The following FBXL17 variants were observed in gnomAD, a reference collection of about 807,000 sequenced individuals.
The protein encoded by FBXL17 is F-box/LRR-repeat protein 17.
FBXL17 carries 22 observed loss-of-function variants against 66.2 expected under a neutral mutation model. That is an observed-to-expected ratio of 0.33 (90% CI 0.24 to 0.47). The LOEUF (loss-of-function observed/expected upper bound fraction) is 0.47. Among genes scored for constraint, FBXL17 ranks in the 20% least tolerant of loss-of-function variants. The pLI is 1.00. For missense variants in FBXL17, 878 were observed against 948.2 expected (o/e 0.93, Z 0.97); for synonymous variants, 474 against 400.5 (o/e 1.18, Z -2.19).
rs141977784 is a variant in FBXL17 at position 107,999,190 on chromosome 5, A to G, written c.1822+21735T>C. Among the ~76,000 whole-genome samples the G allele has an allele frequency of 7.3e-4, 111 of 152,314 alleles. 3 individuals carry two copies. The East Asian group carries it at 0.021, about 28-fold the overall frequency. ...ATTGCACCCCAGGTTAGTTTGCGAC[A>G]GAGTGAGTAGGATGAAAATAAGAAT... On this transcript the variant is annotated intron_variant, in intron 7 of 8. Transcript: ENST00000542267.
chr5:108,381,401 A>G lies in FBXL17; in HGVS notation c.291T>C (p.Ser97=), dbSNP rs1414698768. Residue 97 remains serine (S), a synonymous_variant, in exon 1 of 9, where the codon TCT becomes TCC. Coordinates refer to ENST00000542267, the MANE Select transcript of FBXL17 (RefSeq NM_001163315.3). ...RDGAYAAASS[S]QHLARRYAAL... is the part of the protein sequence containing the mutation. ...CCGCGTAGCGCCGCGCCAGGTGCTG[A>G]GAGGAGGAGGCGGCAGCGTAGGCCC... 9 of 1,325,998 alleles carry G rather than the reference A, an allele frequency of 6.8e-6. No individual in the cohort carries two copies. Among genetic ancestry groups the G allele is most frequent in the Non-Finnish European group, 8.6e-6 (9 of 1,047,268 alleles). The allele number at this position is 1,325,998 out of a possible 1,614,324, so 82.1% of individuals were successfully genotyped here.
chr5:108,377,799 T>TA (rs1749550593), intron 1 of FBXL17, among the ~76,000 whole-genome samples: 1 of 152,224 alleles, frequency 6.6e-6, no homozygotes, highest in Non-Finnish European at 1.5e-5. Flanking sequence ...AATAAAAACT[T>TA]AGATGGCCTA....
chr5:107,879,081 A>C, intron 8 of FBXL17: 6 of 985,478 alleles, frequency 6.1e-6, no homozygotes, highest in Non-Finnish European at 7.2e-6. Flanking sequence ...AAATCAGCAA[A>C]ATGCTGGTCA....
chr5:108,025,717 A>ATG (rs1754783979), intron 6 of FBXL17, among the ~76,000 whole-genome samples: 5 of 104,092 alleles, frequency 4.8e-5, no homozygotes, highest in South Asian at 7.3e-4. Context: ...ACACACACAC[A>ATG]CGCGCGCGCG....
At chr5:108,172,385 CAA>C (rs938765928) in intron 6 of FBXL17, among the ~76,000 whole-genome samples, 2 of 152,122 alleles carry the variant, frequency 1.3e-5, no homozygotes, top group African/African-American at 2.4e-5. Context: ...AAGGATAAAG[CAA>C]AAGACTCCAC....
intron 7 of FBXL17, among the ~76,000 whole-genome samples, chr5:107,887,234 A>C (rs1359188001): frequency 6.6e-6 from 1 of 152,242 alleles, no homozygotes; most frequent in Admixed American, 6.5e-5. Flanking sequence ...AAAAGTATGG[A>C]TAAGCTAAGA....
At chr5:108,107,933 A>C (rs1485065309) in intron 6 of FBXL17, among the ~76,000 whole-genome samples, 3 of 152,034 alleles carry the variant, frequency 2.0e-5, no homozygotes, top group Non-Finnish European at 4.4e-5. Context: ...TGCATGACCT[A>C]TTAAGGCCCA....
intron 7 of FBXL17, among the ~76,000 whole-genome samples, chr5:107,930,603 AG>A (rs1362134693): frequency 3.3e-5 from 5 of 152,370 alleles, no homozygotes; most frequent in South Asian, 2.1e-4. Flanking sequence ...TTTACGTGGC[AG>A]CCCCAGTGCC....
intron 6 of FBXL17, among the ~76,000 whole-genome samples, chr5:108,029,253 G>T (rs80133366): frequency 2.6e-5 from 4 of 152,132 alleles, no homozygotes. Flanking sequence ...TGAGGAAGGA[G>T]TTGTAGATTA....
At chr5:108,251,547 A>G (rs1302389597) in intron 4 of FBXL17, among the ~76,000 whole-genome samples, 1 of 152,014 alleles carries the variant, frequency 6.6e-6, no homozygotes, top group Non-Finnish European at 1.5e-5. Context: ...ACACAATCTA[A>G]TGTCTGGTTT....
intron 6 of FBXL17, among the ~76,000 whole-genome samples, chr5:108,100,269 A>C (rs941517511): frequency 1.3e-5 from 2 of 152,170 alleles, no homozygotes; most frequent in African/African-American, 4.8e-5. Flanking sequence ...TGAAACCATC[A>C]GTCTGAACCA....
At chr5:107,952,654 T>A (rs1751533981) in intron 7 of FBXL17, among the ~76,000 whole-genome samples, 1 of 152,216 alleles carries the variant, frequency 6.6e-6, no homozygotes, top group African/African-American at 2.4e-5. Flanking sequence ...TTTCAAATAT[T>A]GGCATGGTTC....
intron 6 of FBXL17, among the ~76,000 whole-genome samples, chr5:108,061,104 T>C (rs528629705): frequency 6.6e-6 from 1 of 151,920 alleles, no homozygotes; most frequent in Non-Finnish European, 1.5e-5. Context: ...CTGATCAACA[T>C]GGAGAAACCC....
chr5:108,363,210 C>A (rs1748450601), intron 3 of FBXL17, among the ~76,000 whole-genome samples: 1 of 151,938 alleles, frequency 6.6e-6, no homozygotes, highest in Non-Finnish European at 1.5e-5. Flanking sequence ...AGATAATATC[C>A]ATGTGCATTG....
At chr5:108,329,160 T>A (rs1370877540) in intron 4 of FBXL17, among the ~76,000 whole-genome samples, 1 of 152,084 alleles carries the variant, frequency 6.6e-6, no homozygotes, top group African/African-American at 2.4e-5. Context: ...TTGAGGCAGC[T>A]CTTTCTGGAA....
intron 7 of FBXL17, among the ~76,000 whole-genome samples, chr5:107,967,514 C>T (rs1218756791): frequency 1.6e-5 from 2 of 127,066 alleles, no homozygotes; most frequent in East Asian, 4.6e-4. Flanking sequence ...GGGAACATCA[C>T]ACACCAGGTC....
At chr5:108,002,998 A>G (rs965918932) in intron 7 of FBXL17, among the ~76,000 whole-genome samples, 23 of 152,228 alleles carry the variant, frequency 1.5e-4, no homozygotes, top group Admixed American at 7.8e-4. Flanking sequence ...AACTCTGCAT[A>G]TTTACTAAAA....
intron 7 of FBXL17, among the ~76,000 whole-genome samples, chr5:107,951,290 A>G (rs143351746): frequency 7.4e-4 from 112 of 152,364 alleles, no homozygotes; most frequent in African/African-American, 2.6e-3. Flanking sequence ...CTGCTGAGAG[A>G]ATATCAGAAG....
chr5:108,150,101 T>C (rs1290651487), intron 6 of FBXL17, among the ~76,000 whole-genome samples: 3 of 152,226 alleles, frequency 2.0e-5, no homozygotes, highest in African/African-American at 7.2e-5. Context: ...TGCAAAACCA[T>C]TTGAAAGTAA....
Sources: allele counts gnomAD v4.1 joint callset (sites outside exome capture counted in the v4.1 genomes callset), GRCh38; gene constraint gnomAD v4.1.1; transcripts MANE v1.5; gene names NCBI Gene and HGNC (gene_info 2026-07-23, HGNC 2026-07-21).